PCDH11X: variants seen among roughly 807,000 people sequenced by gnomAD.
PCDH11X encodes the protein protocadherin-11 X-linked.
PCDH11X carries 18 observed loss-of-function variants against 53.3 expected under a neutral mutation model. That is an observed-to-expected ratio of 0.34 (90% CI 0.23 to 0.50). The LOEUF (loss-of-function observed/expected upper bound fraction) is 0.50, where lower values mean the gene tolerates loss of function less well. Ranked by LOEUF, PCDH11X falls within the 20% of genes least tolerant of loss-of-function variation. The probability of loss-of-function intolerance (pLI) is 0.98; values close to 1 mark genes in which losing one functional copy is unlikely to be tolerated. For synonymous variants in PCDH11X, 279 were observed against 393.3 expected (o/e 0.71, Z 3.44); for missense variants, 570 against 1,032.4 (o/e 0.55, Z 6.14).
intron 9 of PCDH11X, among the ~76,000 whole-genome samples, chrX:92,392,556 C>T (rs932565211): frequency 9.1e-6 from 1 of 110,038 alleles, no homozygotes; most frequent in Non-Finnish European, 1.9e-5. Flanking sequence ...GCCAGATTTT[C>T]TCCTGATCTG....
At chrX:92,421,776 G>A (rs1296980473) in intron 9 of PCDH11X, among the ~76,000 whole-genome samples, 1 of 111,745 alleles carries the variant, frequency 8.9e-6, no homozygotes, top group Non-Finnish European at 1.9e-5. Flanking sequence ...GTATCTCATT[G>A]CGGTTTTGAT....
chrX:92,399,765 G>A (rs1377926239), intron 9 of PCDH11X, among the ~76,000 whole-genome samples: 3 of 104,588 alleles, frequency 2.9e-5, no homozygotes, highest in African/African-American at 1.1e-4. Flanking sequence ...ATTTTGAAAC[G>A]GAGTCTCGTT....
chrX:91,993,000 C>T (rs1171728857), intron 6 of PCDH11X, among the ~76,000 whole-genome samples: 4 of 111,204 alleles, frequency 3.6e-5, no homozygotes, highest in Admixed American at 1.9e-4. Flanking sequence ...TTAAGTCCAA[C>T]ATTTAATGAG....
chrX:91,856,730 C>T (rs972018003), intron 5 of PCDH11X, among the ~76,000 whole-genome samples: 87 of 110,051 alleles, frequency 7.9e-4, no homozygotes, highest in African/African-American at 2.5e-3. Flanking sequence ...TGTTAGTTTG[C>T]GGAGGATAAT....
chrX:92,000,977 A>G (rs895734091), intron 6 of PCDH11X, among the ~76,000 whole-genome samples: 6 of 95,786 alleles, frequency 6.3e-5, no homozygotes, highest in African/African-American at 1.5e-4. Flanking sequence ...CCATTCATCT[A>G]TTGATGGACA....
chrX:92,282,732 G>A (rs182276190), intron 8 of PCDH11X, among the ~76,000 whole-genome samples: 2 of 111,473 alleles, frequency 1.8e-5, no homozygotes, highest in East Asian at 2.8e-4. Context: ...AACTTTGACC[G>A]TGGTGAATAA....
chrX:91,789,200 CAAA>C (rs764959497), intron 1 of PCDH11X, among the ~76,000 whole-genome samples: 1 of 47,226 alleles, frequency 2.1e-5, no homozygotes, highest in African/African-American at 6.9e-5. Context: ...GACTCCGTCT[CAAA>C]AAAAAAAAAA....
At chrX:92,363,906 T>G (rs186472726) in intron 8 of PCDH11X, among the ~76,000 whole-genome samples, 12 of 111,760 alleles carry the variant, frequency 1.1e-4, no homozygotes, top group African/African-American at 3.6e-4. Flanking sequence ...TCTTCATCCA[T>G]TGATATGATG....
At chrX:92,286,191 A>C (rs1195772960) in intron 8 of PCDH11X, among the ~76,000 whole-genome samples, 3 of 106,893 alleles carry the variant, frequency 2.8e-5, no homozygotes, top group Non-Finnish European at 5.8e-5. Flanking sequence ...CTTGTTCCTA[A>C]CAAAAGATCA....
intron 7 of PCDH11X, among the ~76,000 whole-genome samples, chrX:92,218,042 A>G (rs1199788215): frequency 1.8e-5 from 2 of 110,502 alleles, no homozygotes; most frequent in Non-Finnish European, 3.8e-5. Context: ...TCTCTGGGAC[A>G]CATTTAAAGC....
At chrX:91,819,610 C>T (rs1401057174) in intron 4 of PCDH11X, among the ~76,000 whole-genome samples, 2 of 106,209 alleles carry the variant, frequency 1.9e-5, no homozygotes, top group South Asian at 4.1e-4. Flanking sequence ...ATTGGTGACC[C>T]GAATCTCCAG....
chrX:92,070,613 T>C (rs1407204328), intron 6 of PCDH11X, among the ~76,000 whole-genome samples: 1 of 111,398 alleles, frequency 9.0e-6, no homozygotes, highest in African/African-American at 3.3e-5. Flanking sequence ...CTTAACCTTT[T>C]GGAGTTTGAT....
intron 6 of PCDH11X, among the ~76,000 whole-genome samples, chrX:91,992,568 A>T (rs1045823904): frequency 4.3e-5 from 4 of 93,555 alleles, no homozygotes; most frequent in African/African-American, 1.3e-4. Context: ...TTTAAGAATC[A>T]TGAGAAAACC....
chrX:92,569,118 T>C (rs1602351913), intron 10 of PCDH11X, among the ~76,000 whole-genome samples: 1 of 109,680 alleles, frequency 9.1e-6, no homozygotes, highest in East Asian at 2.9e-4. Flanking sequence ...TCATTAATCA[T>C]TGGAGAGGTA....
chrX:92,088,219 A>G (rs1343147162), intron 6 of PCDH11X, among the ~76,000 whole-genome samples: 1 of 110,698 alleles, frequency 9.0e-6, no homozygotes, highest in Non-Finnish European at 1.9e-5. Context: ...TTTAGGATAT[A>G]TAACTCTGAG....
intron 6 of PCDH11X, among the ~76,000 whole-genome samples, chrX:92,135,456 C>A (rs1421283699): frequency 9.1e-6 from 1 of 110,258 alleles, no homozygotes; most frequent in African/African-American, 3.3e-5. Flanking sequence ...TGATTTTGTA[C>A]AGTAAAAGAT....
chrX:92,487,533 AATG>A (rs1372382415), intron 10 of PCDH11X, among the ~76,000 whole-genome samples: 2 of 111,078 alleles, frequency 1.8e-5, no homozygotes, highest in African/African-American at 6.5e-5. Flanking sequence ...CTATTTACTT[AATG>A]GTACTTAAAT....
rs2750695 is a variant in PCDH11X, at chrX:92,467,549, C to G, written c.3344-750C>G. On this transcript the variant is annotated intron_variant, in intron 9 of 10. Coordinates refer to ENST00000682573, the MANE Select transcript of PCDH11X (RefSeq NM_032968.5). Reference sequence around the variant, plus strand: ...TCTGCCCAGATCAATACATATTTGGCTGTTTATAAACATACAATTATTTTG... The same window carrying G: ...TCTGCCCAGATCAATACATATTTGGGTGTTTATAAACATACAATTATTTTG... Among the ~76,000 whole-genome samples, 576 of 111,013 alleles carry G rather than the reference C, an allele frequency of 5.2e-3. 4 individuals carry two copies. Among genetic ancestry groups the G allele is most frequent in the African/African-American group, 0.016 (506 of 30,753 alleles).
Position 91,822,825 on chromosome X carries a change from C to G in PCDH11X, c.-45+11530C>G, listed in dbSNP as rs1442369686. 8.1e-5 allele frequency among the ~76,000 whole-genome samples: 9 copies of G among 111,571 alleles called. No individual in the cohort carries two copies. The South Asian group carries it at 1.8e-3, about 23-fold the overall frequency. On this transcript the variant is annotated intron_variant, in intron 4 of 10. Transcript: ENST00000682573. Reference sequence around the variant, plus strand: ...TGTGGGCATTTAGTGCTATAAATTTCCCTCTACACACTGCTTTGAATGCAT... The same window carrying G: ...TGTGGGCATTTAGTGCTATAAATTTGCCTCTACACACTGCTTTGAATGCAT...
Sources: allele counts gnomAD v4.1 joint callset (sites outside exome capture counted in the v4.1 genomes callset), GRCh38; gene constraint gnomAD v4.1.1; transcripts MANE v1.5; gene names NCBI Gene and HGNC (gene_info 2026-07-23, HGNC 2026-07-21).